TAFA5: variants seen among roughly 807,000 people sequenced by gnomAD.
TAFA5 encodes chemokine-like protein TAFA-5.
In TAFA5, 6 loss-of-function variants were observed where a neutral mutation model predicts 15.3. The observed-to-expected ratio is 0.39, with a 90% CI of 0.21 to 0.77. The LOEUF (loss-of-function observed/expected upper bound fraction) is 0.77. Ranked by LOEUF, TAFA5 falls within the 30% of genes least tolerant of loss-of-function variation. The pLI, the probability that TAFA5 is intolerant of heterozygous loss-of-function variation, is 0.41. For synonymous variants in TAFA5, 103 were observed against 80.7 expected, an observed-to-expected ratio of 1.28 and a Z score of -1.48; for missense variants, 161 against 193.1, an observed-to-expected ratio of 0.83 and a Z score of 0.98.
intron 3 of TAFA5, among the ~76,000 whole-genome samples, chr22:48,727,586 T>C (rs1403221280): frequency 6.6e-6 from 1 of 152,196 alleles, no homozygotes; most frequent in African/African-American, 2.4e-5. Context: ...ATCATAGTGT[T>C]CGGATAGAAT....
rs1431620863 is a variant in TAFA5 at position 48,742,082 on chromosome 22, GCTGTGGGA to G, written c.391-7756_391-7749del. Among the ~76,000 whole-genome samples the G allele has an allele frequency of 6.6e-6, 1 of 152,174 alleles. No homozygotes were observed. Among genetic ancestry groups the G allele is most frequent in the Non-Finnish European group, 1.5e-5 (1 of 68,020 alleles). ...GGCTCCCAGAGGCTCCAGCTGGGAG[GCTGTGGGA>G]GGTCGGGGCACCTGCCAGGCTCTGG... On this transcript the variant is annotated intron_variant, in intron 3 of 3. Transcript: ENST00000402357. The surrounding 1 kb of genome is among the most constrained non-coding windows in gnomAD (Gnocchi z 6.2).
At chr22:48,661,699 G>A (rs890818121) in intron 2 of TAFA5, among the ~76,000 whole-genome samples, 1 of 152,182 alleles carries the variant, frequency 6.6e-6, no homozygotes, top group Admixed American at 6.5e-5. Flanking sequence ...CCTGGACAGC[G>A]TCCTCCTCCC....
intron 1 of TAFA5, among the ~76,000 whole-genome samples, chr22:48,600,552 C>G (rs1924929640): frequency 8.9e-6 from 1 of 112,668 alleles, no homozygotes; most frequent in Non-Finnish European, 1.8e-5. Context: ...TTGCGTGTGT[C>G]TGTACGTGTG....
chr22:48,587,768 C>T (rs979392463), intron 1 of TAFA5, among the ~76,000 whole-genome samples: 8 of 152,362 alleles, frequency 5.3e-5, no homozygotes, highest in Non-Finnish European at 1.0e-4. Flanking sequence ...GCTCCAAACA[C>T]GGCCTTCTGC....
chr22:48,502,098 A>G (rs1920955558), intron 1 of TAFA5, among the ~76,000 whole-genome samples: 1 of 152,184 alleles, frequency 6.6e-6, no homozygotes, highest in Admixed American at 6.5e-5. Flanking sequence ...TTTTCACCTG[A>G]TGTTTTAGAA....
At chr22:48,540,302 G>C (rs979230368) in intron 1 of TAFA5, among the ~76,000 whole-genome samples, 5 of 152,146 alleles carry the variant, frequency 3.3e-5, no homozygotes, top group Non-Finnish European at 7.4e-5. Flanking sequence ...CCAGGGCGGT[G>C]GGGGGAGGTG....
chr22:48,572,087 C>A (rs1272198784), intron 1 of TAFA5, among the ~76,000 whole-genome samples: 5 of 152,172 alleles, frequency 3.3e-5, no homozygotes, highest in African/African-American at 9.7e-5. Flanking sequence ...TTAGAATAAT[C>A]ACAATTACGG....
At chr22:48,547,936 G>A (rs554795342) in intron 1 of TAFA5, among the ~76,000 whole-genome samples, 12 of 152,292 alleles carry the variant, frequency 7.9e-5, no homozygotes, top group African/African-American at 2.2e-4. Context: ...GAAATAGGGC[G>A]GTCTTCACTG....
At chr22:48,580,881 T>TCCA (rs1380303759) in intron 1 of TAFA5, among the ~76,000 whole-genome samples, 2 of 151,992 alleles carry the variant, frequency 1.3e-5, no homozygotes, top group Non-Finnish European at 2.9e-5. Context: ...ACTTCCTGGG[T>TCCA]GCATTGTTTT....
chr22:48,595,505 A>G (rs1368700480), intron 1 of TAFA5, among the ~76,000 whole-genome samples: 1 of 152,242 alleles, frequency 6.6e-6, no homozygotes, highest in Non-Finnish European at 1.5e-5. Flanking sequence ...CTCCCTGATC[A>G]GAAGAGCCCA....
At chr22:48,743,465 A>G (rs1930239865) in intron 3 of TAFA5, among the ~76,000 whole-genome samples, 1 of 152,246 alleles carries the variant, frequency 6.6e-6, no homozygotes, top group Non-Finnish European at 1.5e-5. Context: ...CACATCTGCT[A>G]GAACCTGCTG....
chr22:48,638,908 G>A (rs1043019509), intron 1 of TAFA5, among the ~76,000 whole-genome samples: 10 of 75,044 alleles, frequency 1.3e-4, no homozygotes, highest in Middle Eastern at 0.016. Context: ...CCCATCCCCC[G>A]ACACTAAGCC....
intron 2 of TAFA5, among the ~76,000 whole-genome samples, chr22:48,690,857 C>G (rs1160458216): frequency 6.6e-6 from 1 of 152,136 alleles, no homozygotes; most frequent in African/African-American, 2.4e-5. Context: ...GCCCCCGCCC[C>G]CTGTCTTCTA....
intron 1 of TAFA5, among the ~76,000 whole-genome samples, chr22:48,609,826 G>C (rs77247192): frequency 1.3e-5 from 2 of 152,110 alleles, no homozygotes; most frequent in African/African-American, 2.4e-5. Context: ...CTGGCTGCCC[G>C]TGGCTCAGGC....
rs374870330 is a variant in TAFA5, at chr22:48,596,366, C to T, written c.113-50231C>T. Among the ~76,000 whole-genome samples, 217 of 152,318 alleles carry T rather than the reference C, an allele frequency of 1.4e-3. 1 individual carries two copies. The highest frequency in any genetic ancestry group is 5.0e-3 in the African/African-American group (207 of 41,572). On this transcript the variant is annotated intron_variant, in intron 1 of 3. Coordinates refer to ENST00000402357, the MANE Select transcript of TAFA5 (RefSeq NM_001082967.3). Reference sequence around the variant, plus strand: ...GGGATGGCATCAGGGCTAAGGGACACCAGCCCCCTCCCGGTGTGGTCCTCA... The same window carrying T: ...GGGATGGCATCAGGGCTAAGGGACATCAGCCCCCTCCCGGTGTGGTCCTCA...
At chr22:48,651,362 G>A (rs568503248) in intron 2 of TAFA5, among the ~76,000 whole-genome samples, 10 of 152,352 alleles carry the variant, frequency 6.6e-5, no homozygotes, top group East Asian at 1.9e-4. Flanking sequence ...AGGACAGGCC[G>A]GGCTGACTGC....
intron 1 of TAFA5, among the ~76,000 whole-genome samples, chr22:48,576,023 G>GCCGGGGCCGCGCCGGACCCCC (rs1223916141): frequency 5.1e-5 from 7 of 136,798 alleles, no homozygotes; most frequent in Non-Finnish European, 9.5e-5. Context: ...GGAGGAGGGG[G>GCCGGGGCCGCGCCGGACCCCC]CCGGGGCCGC....
chr22:48,661,007 C>T (rs138365931), intron 2 of TAFA5, among the ~76,000 whole-genome samples: 2 of 152,296 alleles, frequency 1.3e-5, no homozygotes, highest in African/African-American at 4.8e-5. Context: ...ACAGTCAGAG[C>T]TCATTCATTC....
chr22:48,659,009 G>A (rs956368589), intron 2 of TAFA5, among the ~76,000 whole-genome samples: 2 of 152,230 alleles, frequency 1.3e-5, no homozygotes, highest in African/African-American at 2.4e-5. Context: ...TGCGATTACC[G>A]GGCAGGACAC....
Sources: gnomAD v4.1 joint callset for allele counts (sites outside exome capture counted in the v4.1 genomes callset) on GRCh38, gnomAD v4.1.1 for gene constraint, Gnocchi (gnomAD v3.1) non-coding constraint, MANE v1.5 for transcripts, NCBI Gene and HGNC (gene_info 2026-07-23, HGNC 2026-07-21) for gene names.